Variants in MTMR8 observed in about 807,000 individuals in gnomAD.
The protein encoded by MTMR8 is myotubularin related protein 8, also known as phosphatidylinositol-3,5-bisphosphate 3-phosphatase MTMR8.
In MTMR8, 65 loss-of-function variants were observed where a neutral mutation model predicts 39.3. The ratio of observed to expected loss-of-function variants is 1.65; its 90% confidence interval spans 1.35 to 2.03. MTMR8 has a LOEUF of 2.03. MTMR8 is among the 30% of genes most tolerant of loss of function. The pLI, the probability that MTMR8 is intolerant of heterozygous loss-of-function variation, is 0.00. For missense variants in MTMR8, 777 were observed against 538.9 expected (o/e 1.44, Z -4.37); for synonymous variants, 245 against 185.2 (o/e 1.32, Z -2.62).
chrX:64,336,469 C>A (rs1337139205), intron 9 of MTMR8, among the ~76,000 whole-genome samples: 5 of 105,456 alleles, frequency 4.7e-5, no homozygotes, highest in Non-Finnish European at 9.6e-5. Flanking sequence ...TAGCTTTATA[C>A]CAGTAACAAA....
chrX:64,328,918 CA>C lies in MTMR8; in HGVS notation c.1353-19del. The stretch of plus-strand genomic sequence containing the variant: ...CATAGACTCTGTTAGAAAAGAAAAA[CA>C]AGCCAAAAAATTAAAAGCAGGAAGC... On this transcript the variant is annotated intron_variant, in intron 11 of 13. Transcript: ENST00000374852. 8.5e-7 allele frequency: 1 copy of C among 1,180,212 alleles called. No individual in the cohort carries two copies. Among genetic ancestry groups the C allele is most frequent in the South Asian group, 1.9e-5 (1 of 51,776 alleles).
intron 12 of MTMR8, among the ~76,000 whole-genome samples, chrX:64,308,391 G>A (rs771960068): frequency 3.1e-5 from 3 of 95,742 alleles, no homozygotes; most frequent in African/African-American, 1.2e-4. Context: ...GGAGGGTCTC[G>A]ATCTCCTGAC....
Position 64,271,411 on chromosome X carries a change from A to T in MTMR8, c.1482-338T>A, listed in dbSNP as rs1931756852. 2.7e-5 allele frequency among the ~76,000 whole-genome samples: 3 copies of T among 112,312 alleles called. No homozygotes were observed. The Admixed American group carries it at 2.8e-4, about 11-fold the overall frequency. On this transcript the variant is annotated intron_variant, in intron 12 of 13. Transcript: ENST00000374852. ...AGTGACATCAGCAAGATGGCAGAAT[A>T]GGAAGCCCTGGACTGTCCTTCCCCC...
intron 1 of MTMR8, among the ~76,000 whole-genome samples, chrX:64,376,759 A>G (rs1167738855): frequency 1.8e-5 from 2 of 112,501 alleles, no homozygotes; most frequent in Non-Finnish European, 3.8e-5. Flanking sequence ...AAATTTGCAT[A>G]AGTAAGGAAG....
intron 12 of MTMR8, among the ~76,000 whole-genome samples, chrX:64,282,454 A>C (rs760087819): frequency 9.0e-6 from 1 of 110,893 alleles, no homozygotes; most frequent in African/African-American, 3.3e-5. Flanking sequence ...ACGTTTACCT[A>C]TGTAACAAAC....
chrX:64,375,047 CAAAAA>C (rs34716248), intron 1 of MTMR8, among the ~76,000 whole-genome samples: 1 of 55,993 alleles, frequency 1.8e-5, no homozygotes, highest in Non-Finnish European at 3.7e-5. Flanking sequence ...TTGTTTTAAG[CAAAAA>C]AAAAAAAAAA....
chrX:64,353,231 C>A (rs1014419978), intron 4 of MTMR8, among the ~76,000 whole-genome samples: 1 of 111,542 alleles, frequency 9.0e-6, no homozygotes, highest in African/African-American at 3.3e-5. Flanking sequence ...CCAACTAAAG[C>A]AAAAATAGGC....
intron 1 of MTMR8, among the ~76,000 whole-genome samples, chrX:64,386,301 A>T (rs988356131): frequency 5.4e-5 from 6 of 111,795 alleles, no homozygotes; most frequent in Admixed American, 9.5e-5. Context: ...GATAATATAG[A>T]AGGTGGCTAA....
rs1921457130 is a variant in MTMR8, at chrX:64,293,180, G to A, written c.1482-22107C>T. ...TATTTCTCAGGAGGGCGCCTGATAAGTGTAAGTCCTCTTTTTGGGCAATAA... is the reference window on the plus strand; with the variant it reads ...TATTTCTCAGGAGGGCGCCTGATAAATGTAAGTCCTCTTTTTGGGCAATAA... On this transcript the variant is annotated intron_variant, in intron 12 of 13. Transcript: ENST00000374852. Among the ~76,000 whole-genome samples, 4 of 111,762 alleles carry A rather than the reference G, an allele frequency of 3.6e-5. No individual in the cohort carries two copies. The Admixed American group carries it at 3.8e-4, about 11-fold the overall frequency.
chrX:64,314,175 G>A lies in MTMR8; in HGVS notation c.1481+14597C>T, dbSNP rs142319927. Among the ~76,000 whole-genome samples, 13 of 112,824 alleles carry A rather than the reference G, an allele frequency of 1.2e-4. No individual in the cohort carries two copies. In the East Asian group the frequency reaches 3.1e-3, roughly 27 times the overall value. ...AGAAGGGCCGAGGTGCTCACAGACC[G>A]CTGGTCACTACACTCTAATGAGTGG... On this transcript the variant is annotated intron_variant, in intron 12 of 13. Transcript: ENST00000374852.
At chrX:64,361,406 G>A (rs1923776475) in intron 1 of MTMR8, among the ~76,000 whole-genome samples, 1 of 111,382 alleles carries the variant, frequency 9.0e-6, no homozygotes, top group Non-Finnish European at 1.9e-5. Context: ...AAAGTTTAGG[G>A]CTACTTCATT....
At chrX:64,271,104 G>T (rs746181506) in intron 12 of MTMR8, 31 bp from the exon 13 acceptor site, 13 of 1,160,893 alleles carry the variant, frequency 1.1e-5, no homozygotes, top group Admixed American at 7.8e-5. Context: ...GGGAAAAGTG[G>T]GTTAGTTTAG....
At chrX:64,329,324 C>G (rs1248807019) in intron 11 of MTMR8, among the ~76,000 whole-genome samples, 1 of 111,315 alleles carries the variant, frequency 9.0e-6, no homozygotes, top group Admixed American at 9.6e-5. Context: ...TTTTACAAGT[C>G]TGGTAAGTTA....
intron 1 of MTMR8, among the ~76,000 whole-genome samples, chrX:64,379,545 C>G (rs899143382): frequency 9.0e-6 from 1 of 111,460 alleles, no homozygotes; most frequent in African/African-American, 3.3e-5. Context: ...AAGGATCTAA[C>G]CCAGTCCTCT....
intron 12 of MTMR8, among the ~76,000 whole-genome samples, chrX:64,283,606 G>T: frequency 8.9e-6 from 1 of 111,914 alleles, no homozygotes; most frequent in South Asian, 3.7e-4. Context: ...CACACAGCTG[G>T]GTACCCCTCT....
Position 64,354,948 on chromosome X carries a change from A to G in MTMR8, c.311-14T>C. 1 of 1,159,499 alleles carries G rather than the reference A, an allele frequency of 8.6e-7. No homozygotes were observed. Among genetic ancestry groups the G allele is most frequent in the Non-Finnish European group, 1.2e-6 (1 of 866,531 alleles). Reference sequence around the variant, plus strand: ...CTTCAGGTAATGCTGGAGAAGAGAGATAGGCATGGAAAACAAAATGATGAA... The same window carrying G: ...CTTCAGGTAATGCTGGAGAAGAGAGGTAGGCATGGAAAACAAAATGATGAA... On this transcript the variant is annotated splice_polypyrimidine_tract_variant and intron_variant, in intron 3 of 13. Transcript: ENST00000374852.
In MTMR8 at chrX:64,317,481, A is replaced by T. The variant is rs765381965; in HGVS notation, c.1481+11291T>A. Among the ~76,000 whole-genome samples the T allele has an allele frequency of 2.7e-5, 3 of 111,366 alleles. 1 individual carries two copies. In the South Asian group the frequency reaches 1.2e-3, roughly 43 times the overall value. On this transcript the variant is annotated intron_variant, in intron 12 of 13. Transcript: ENST00000374852. ...CTCTTTCCCTTCCACTCTGCTGTTG[A>T]GCTGATCCATTTAGTTTTCTTCATT...
At chrX:64,296,452 G>A (rs1416994468) in intron 12 of MTMR8, among the ~76,000 whole-genome samples, 2 of 110,183 alleles carry the variant, frequency 1.8e-5, no homozygotes, top group African/African-American at 3.3e-5. Flanking sequence ...GGTTAAAATG[G>A]TAAATTTTAT....
At chrX:64,377,471 A>G (rs889664710) in intron 1 of MTMR8, among the ~76,000 whole-genome samples, 1 of 112,712 alleles carries the variant, frequency 8.9e-6, no homozygotes, top group South Asian at 3.6e-4. Flanking sequence ...ACATACAGTC[A>G]AAGGAGATTA....
Sources: gnomAD v4.1 joint callset for allele counts (sites outside exome capture counted in the v4.1 genomes callset) on GRCh38, gnomAD v4.1.1 for gene constraint, MANE v1.5 for transcripts, NCBI Gene and HGNC (gene_info 2026-07-23, HGNC 2026-07-21) for gene names.